The following LPCAT2 variants were observed in gnomAD, a reference collection of about 807,000 sequenced individuals.
LPCAT2 encodes the protein lysophosphatidylcholine acyltransferase 2, also known as 1-AGP acyltransferase 11.
Under a neutral mutation model 64.7 loss-of-function variants are expected in LPCAT2, and 58 were observed. The ratio of observed to expected loss-of-function variants is 0.90; its 90% CI spans 0.73 to 1.12. The LOEUF is 1.12. Among genes scored for constraint, LPCAT2 ranks in the 50% most tolerant of loss-of-function variants. The pLI, the probability that LPCAT2 is intolerant of heterozygous loss-of-function variation, is 0.00. For missense variants in LPCAT2, 579 were observed against 669.8 expected (o/e 0.86, Z 1.50); for synonymous variants, 252 against 245.3 (o/e 1.03, Z -0.26).
rs143255316 is a variant in LPCAT2, at chr16:55,584,575, T to C, written c.*1477T>C. On this transcript the variant is annotated 3_prime_UTR_variant, in exon 14 of 14. Coordinates refer to ENST00000262134, the MANE Select transcript of LPCAT2 (RefSeq NM_017839.5). ...GTACAAAAATAGTTGGTTCATTTTC[T>C]GAATTCAGTCTTTGAAATAAAACTC... 1.8e-3 allele frequency: 272 copies of C among 152,322 alleles called. 2 individuals carry two copies. Among genetic ancestry groups the C allele is most frequent in the African/African-American group, 6.2e-3 (258 of 41,580 alleles). The allele number at this position is 152,322 out of a possible 1,614,324, so 9.4% of individuals were successfully genotyped here.
At chr16:55,514,319 C>T (rs1464581479) in intron 1 of LPCAT2, among the ~76,000 whole-genome samples, 1 of 152,102 alleles carries the variant, frequency 6.6e-6, no homozygotes, top group African/African-American at 2.4e-5. Context: ...AGGGACTGTA[C>T]AAGCAGAAAG....
intron 1 of LPCAT2, among the ~76,000 whole-genome samples, chr16:55,511,867 A>G (rs1962937194): frequency 6.6e-6 from 1 of 152,186 alleles, no homozygotes; most frequent in African/African-American, 2.4e-5. Context: ...GGTCTATGCT[A>G]TATGGTCCTT....
intron 1 of LPCAT2, among the ~76,000 whole-genome samples, chr16:55,516,267 AC>A: frequency 7.6e-6 from 1 of 131,870 alleles, no homozygotes. Context: ...ACCACACCCA[AC>A]AAATTTTTGT....
chr16:55,532,234 C>G (rs181181335), intron 5 of LPCAT2: 2 of 366,784 alleles, frequency 5.5e-6, no homozygotes, highest in Non-Finnish European at 1.0e-5. Flanking sequence ...GGAACCCTCA[C>G]GGACACATAA....
At chr16:55,564,301 C>T (rs1479739969) in intron 11 of LPCAT2, among the ~76,000 whole-genome samples, 1 of 151,858 alleles carries the variant, frequency 6.6e-6, no homozygotes, top group Non-Finnish European at 1.5e-5. Context: ...TAAAGCAATC[C>T]TTTTCAAAGT....
At chr16:55,577,694 G>T (rs1472799336) in intron 12 of LPCAT2, among the ~76,000 whole-genome samples, 2 of 152,016 alleles carry the variant, frequency 1.3e-5, no homozygotes, top group Non-Finnish European at 2.9e-5. Context: ...TCCTTATTTT[G>T]CTGCATGACT....
intron 11 of LPCAT2, among the ~76,000 whole-genome samples, chr16:55,566,202 A>C (rs896665273): frequency 2.0e-5 from 3 of 152,238 alleles, no homozygotes; most frequent in Non-Finnish European, 4.4e-5. Flanking sequence ...GTGGAAATTC[A>C]GGACCTTGCA....
Position 55,545,660 on chromosome 16 carries a change from G to A in LPCAT2, c.853-75G>A, listed in dbSNP as rs565934683. The A allele has an allele frequency of 9.9e-6, 9 of 912,176 alleles. No individual in the cohort carries two copies. The African/African-American group carries it at 1.3e-4, about 14-fold the overall frequency. The allele number at this position is 912,176 out of a possible 1,614,324, so 56.5% of individuals were successfully genotyped here. A position where few individuals can be genotyped will look rare whatever the true frequency, so the allele number is the denominator to read the frequency against. Reference sequence around the variant, plus strand: ...GTAGATGATTCAATATATTGATAATGTATAAATTAATTTACTTGGCATTTA... The same window carrying A: ...GTAGATGATTCAATATATTGATAATATATAAATTAATTTACTTGGCATTTA... On this transcript the variant is annotated intron_variant, in intron 8 of 13. Coordinates refer to ENST00000262134, the MANE Select transcript of LPCAT2 (RefSeq NM_017839.5).
intron 10 of LPCAT2, 67 bp downstream of exon 10, chr16:55,549,469 T>C: frequency 1.4e-6 from 2 of 1,410,474 alleles, no homozygotes; most frequent in Non-Finnish European, 1.9e-6. Context: ...ATCCTGTTTA[T>C]TTTCTCCTGC....
At chr16:55,513,145 A>G (rs1962957356) in intron 1 of LPCAT2, among the ~76,000 whole-genome samples, 2 of 152,220 alleles carry the variant, frequency 1.3e-5, no homozygotes, top group Non-Finnish European at 1.5e-5. Context: ...AACAGACCCT[A>G]AGATGATCAA....
At chr16:55,535,831 G>A (rs1402091104) in intron 7 of LPCAT2, among the ~76,000 whole-genome samples, 1 of 152,144 alleles carries the variant, frequency 6.6e-6, no homozygotes, top group Non-Finnish European at 1.5e-5. Context: ...TTGCCCAGCA[G>A]TCCAGGTTAA....
At chr16:55,516,578 G>A (rs1583585) in intron 1 of LPCAT2, among the ~76,000 whole-genome samples, 58,248 of 152,026 alleles carry the variant, frequency 0.38, 12,521 homozygotes, top group Non-Finnish European at 0.49. Flanking sequence ...ATGATAAGAG[G>A]GTTGATTCAT....
At chr16:55,551,554 T>G (rs1190214750) in intron 11 of LPCAT2, among the ~76,000 whole-genome samples, 1 of 152,112 alleles carries the variant, frequency 6.6e-6, no homozygotes, top group Non-Finnish European at 1.5e-5. Flanking sequence ...GTTTTAGACT[T>G]CCACAAACCT....
chr16:55,522,113 A>G (rs1324731780), intron 1 of LPCAT2, among the ~76,000 whole-genome samples: 1 of 151,730 alleles, frequency 6.6e-6, no homozygotes, highest in African/African-American at 2.4e-5. Context: ...CAACAGAACA[A>G]CTAACTACTA....
intron 11 of LPCAT2, among the ~76,000 whole-genome samples, chr16:55,553,186 C>T (rs913598206): frequency 2.6e-5 from 4 of 151,790 alleles, no homozygotes; most frequent in East Asian, 1.9e-4. Context: ...TGCAATGGGC[C>T]GAGATCATGC....
intron 1 of LPCAT2, among the ~76,000 whole-genome samples, chr16:55,523,554 A>G (rs1466986791): frequency 6.6e-6 from 1 of 151,874 alleles, no homozygotes; most frequent in African/African-American, 2.4e-5. Flanking sequence ...GTAAATAGAT[A>G]GATCATGATA....
intron 11 of LPCAT2, among the ~76,000 whole-genome samples, chr16:55,553,354 A>G (rs1963539972): frequency 6.6e-6 from 1 of 152,228 alleles, no homozygotes; most frequent in Non-Finnish European, 1.5e-5. Context: ...TTTATCAACT[A>G]AGTTCATGTA....
chr16:55,550,939 GT>G lies in LPCAT2; in HGVS notation c.1062-7del. The G allele has an allele frequency of 6.4e-7, 1 of 1,559,304 alleles. No individual in the cohort carries two copies. Among genetic ancestry groups the G allele is most frequent in the South Asian group, 1.2e-5 (1 of 83,568 alleles). On this transcript the variant is annotated splice_polypyrimidine_tract_variant and intron_variant, in intron 10 of 13. Transcript: ENST00000262134. Reference sequence around the variant, plus strand: ...TAATAACATGTATCTATAATTCTTTGTTTGTTTAGATTAGATTGGGATGGTG... The same window carrying G: ...TAATAACATGTATCTATAATTCTTTGTTGTTTAGATTAGATTGGGATGGTG...
chr16:55,580,216 T>C (rs1300283869), intron 13 of LPCAT2, among the ~76,000 whole-genome samples: 2 of 152,184 alleles, frequency 1.3e-5, no homozygotes, highest in African/African-American at 4.8e-5. Flanking sequence ...TACTGTCATT[T>C]AGGTAATTAA....
Sources: allele counts gnomAD v4.1 joint callset (sites outside exome capture counted in the v4.1 genomes callset), GRCh38; gene constraint gnomAD v4.1.1; transcripts MANE v1.5; gene names NCBI Gene and HGNC (gene_info 2026-07-23, HGNC 2026-07-21).